Variants in CARMIL1 observed in about 807,000 individuals in gnomAD.
CARMIL1 encodes F-actin-uncapping protein LRRC16A.
CARMIL1 carries 90 observed loss-of-function variants against 177.1 expected under a neutral mutation model. The ratio of observed to expected loss-of-function variants is 0.51; its 90% CI spans 0.43 to 0.61. CARMIL1 has a LOEUF of 0.61. Ranked by LOEUF, CARMIL1 falls within the 20% of genes least tolerant of loss-of-function variation. The pLI, the probability that CARMIL1 is intolerant of heterozygous loss-of-function variation, is 0.00. For missense variants in CARMIL1, 1,380 were observed against 1,667.0 expected, an observed-to-expected ratio of 0.83 and a Z score of 3.00; for synonymous variants, 577 against 606.2, an observed-to-expected ratio of 0.95 and a Z score of 0.71.
At chr6:25,508,494 C>G (rs1805139006) in intron 17 of CARMIL1, among the ~76,000 whole-genome samples, 2 of 152,094 alleles carry the variant, frequency 1.3e-5, no homozygotes, top group African/African-American at 4.8e-5. Context: ...CCCAGGAGTT[C>G]AAGACAAGCC....
At chr6:25,325,395 A>G (rs1351120340) in intron 2 of CARMIL1, among the ~76,000 whole-genome samples, 2 of 152,318 alleles carry the variant, frequency 1.3e-5, no homozygotes, top group Non-Finnish European at 2.9e-5. Flanking sequence ...TTTAAAAAAT[A>G]CTGGAAAAGA....
chr6:25,533,971 A>G (rs942594947), intron 24 of CARMIL1, among the ~76,000 whole-genome samples: 16 of 151,940 alleles, frequency 1.1e-4, no homozygotes, highest in Admixed American at 7.9e-4. Context: ...TGAGGGTTGA[A>G]CCTTTGGAGT....
chr6:25,550,891 C>A lies in CARMIL1; in HGVS notation c.2329-19C>A. ...GTGCAGTGTCATCATCTCTTCCCTTCACTTGTGCTGCATTGCAGGCGTTGC... is the reference window on the plus strand; with the variant it reads ...GTGCAGTGTCATCATCTCTTCCCTTAACTTGTGCTGCATTGCAGGCGTTGC... On this transcript the variant is annotated intron_variant, in intron 26 of 36. Transcript: ENST00000329474. The A allele has an allele frequency of 6.2e-7, 1 of 1,608,012 alleles. No homozygotes were observed. The highest frequency in any genetic ancestry group is 8.5e-7 in the Non-Finnish European group (1 of 1,176,472).
At position 25,322,346 on chromosome 6, in the gene CARMIL1, C is replaced by T. The variant is rs577049957; in HGVS notation, c.138+37437C>T. ...CCATGTTGGCCAGGCTAGTCTCAAA[C>T]TCCTGACCTCAAGTGATCCGCCTGC... is the stretch of plus-strand genomic sequence containing the variant. On this transcript the variant is annotated intron_variant, in intron 2 of 36. Transcript: ENST00000329474. Among the ~76,000 whole-genome samples, 12 of 152,290 alleles carry T rather than the reference C, an allele frequency of 7.9e-5. No homozygotes were observed. In the South Asian group the frequency reaches 2.3e-3, roughly 29 times the overall value.
chr6:25,538,114 TGAA>T, intron 25 of CARMIL1, 131 bp downstream of exon 25: 1 of 978,694 alleles, frequency 1.0e-6, no homozygotes, highest in Non-Finnish European at 1.5e-6. Context: ...CAAAGTGAAC[TGAA>T]TTAGCCTTGA....
intron 2 of CARMIL1, among the ~76,000 whole-genome samples, chr6:25,297,898 T>G (rs1274361380): frequency 2.0e-5 from 3 of 152,234 alleles, no homozygotes; most frequent in African/African-American, 7.2e-5. Flanking sequence ...TATTTAGCCT[T>G]AAATTCAGGA....
intron 8 of CARMIL1, among the ~76,000 whole-genome samples, chr6:25,453,163 T>C (rs1799155899): frequency 6.6e-6 from 1 of 152,174 alleles, no homozygotes; most frequent in Non-Finnish European, 1.5e-5. Flanking sequence ...TTTTTTGAAG[T>C]ACTTCAGAGG....
intron 29 of CARMIL1, among the ~76,000 whole-genome samples, chr6:25,560,201 G>T (rs148765483): frequency 7.7e-4 from 117 of 152,186 alleles, no homozygotes; most frequent in East Asian, 2.5e-3. Context: ...TAAAGTTAAA[G>T]AAAAAGGCAG....
chr6:25,390,320 A>ATTT (rs1287414586), intron 2 of CARMIL1, among the ~76,000 whole-genome samples: 41 of 58,090 alleles, frequency 7.1e-4, no homozygotes, highest in African/African-American at 2.0e-3. Context: ...ATATATATAT[A>ATTT]TTTTTTTTTT....
intron 2 of CARMIL1, among the ~76,000 whole-genome samples, chr6:25,307,998 C>T (rs1336973816): frequency 6.6e-6 from 1 of 152,158 alleles, no homozygotes; most frequent in Non-Finnish European, 1.5e-5. Context: ...ATTCAAATGG[C>T]ACTGATAAGA....
intron 2 of CARMIL1, among the ~76,000 whole-genome samples, chr6:25,308,302 T>G (rs951615119): frequency 6.6e-6 from 1 of 152,142 alleles, no homozygotes; most frequent in Non-Finnish European, 1.5e-5. Flanking sequence ...CAACACCCCT[T>G]TGTCACTGTG....
intron 2 of CARMIL1, among the ~76,000 whole-genome samples, chr6:25,378,498 C>T (rs1323321094): frequency 6.6e-6 from 1 of 152,210 alleles, no homozygotes; most frequent in African/African-American, 2.4e-5. Flanking sequence ...TCTGAGTTAG[C>T]TGGCTGACTT....
intron 2 of CARMIL1, among the ~76,000 whole-genome samples, chr6:25,402,279 T>G (rs965270942): frequency 6.6e-5 from 10 of 152,180 alleles, no homozygotes; most frequent in Non-Finnish European, 1.3e-4. Flanking sequence ...TATGTGACAT[T>G]TAGAATGTTA....
chr6:25,562,365 A>G (rs912221679), intron 29 of CARMIL1, among the ~76,000 whole-genome samples: 2 of 151,720 alleles, frequency 1.3e-5, no homozygotes, highest in Admixed American at 6.6e-5. Context: ...GTCCTGCCTC[A>G]GCCTCCTGAG....
chr6:25,282,054 G>A (rs1477670802), intron 1 of CARMIL1, among the ~76,000 whole-genome samples: 1 of 148,046 alleles, frequency 6.8e-6, no homozygotes, highest in Non-Finnish European at 1.5e-5. Flanking sequence ...GGCGGAGGTT[G>A]CCGTAAGCCG....
intron 20 of CARMIL1, among the ~76,000 whole-genome samples, chr6:25,510,987 A>G (rs448940): frequency 0.44 from 66,334 of 151,968 alleles, 14,874 homozygotes; most frequent in Middle Eastern, 0.52. Context: ...GAAGATTGTC[A>G]CTAATAGATA....
chr6:25,420,279 C>T, intron 3 of CARMIL1, 115 bp downstream of exon 3: 1 of 916,200 alleles, frequency 1.1e-6, no homozygotes, highest in Non-Finnish European at 1.8e-6. Flanking sequence ...TACTGCAACA[C>T]AACACACACA....
At chr6:25,491,215 C>G (rs1280889620) in intron 13 of CARMIL1, among the ~76,000 whole-genome samples, 1 of 152,192 alleles carries the variant, frequency 6.6e-6, no homozygotes, top group Non-Finnish European at 1.5e-5. Flanking sequence ...AAAAAGCACT[C>G]ATATTGCTGC....
At position 25,510,000 on chromosome 6, in the gene CARMIL1, A is replaced by G. The variant is rs1409112112; in HGVS notation, c.1477+263A>G. 1.3e-5 allele frequency among the ~76,000 whole-genome samples: 2 copies of G among 152,182 alleles called. No homozygotes were observed. The highest frequency in any genetic ancestry group is 2.4e-5 in the African/African-American group (1 of 41,468). On this transcript the variant is annotated intron_variant, in intron 18 of 36. Transcript: ENST00000329474. The surrounding 1 kb of genome is among the most constrained non-coding windows in gnomAD (Gnocchi z 4.1). ...TCAGTTATAAAAATATCACCAGTAC[A>G]TTGAAAAGGGTCTGAGACCAACTTT... is the stretch of plus-strand genomic sequence containing the variant.
Sources: gnomAD v4.1 joint callset for allele counts (sites outside exome capture counted in the v4.1 genomes callset) on GRCh38, gnomAD v4.1.1 for gene constraint, Gnocchi (gnomAD v3.1) non-coding constraint, MANE v1.5 for transcripts, NCBI Gene and HGNC (gene_info 2026-07-23, HGNC 2026-07-21) for gene names.